ERC2: variants seen among roughly 807,000 people sequenced by gnomAD.
ERC2 encodes ELKS/RAB6-interacting/CAST family member 2, also known as ERC protein 2.
Under a neutral mutation model 114.8 loss-of-function variants are expected in ERC2, and 42 were observed. That is an observed-to-expected ratio of 0.37 (90% CI 0.29 to 0.47). The LOEUF is 0.47. Ranked by LOEUF, ERC2 falls within the 20% of genes least tolerant of loss-of-function variation. ERC2 has a pLI of 0.99. For synonymous variants in ERC2, 454 were observed against 425.5 expected (o/e 1.07, Z -0.82); for missense variants, 939 against 1,150.7 (o/e 0.82, Z 2.66).
chr3:56,312,360 A>G (rs937099977), intron 2 of ERC2, among the ~76,000 whole-genome samples: 2 of 152,234 alleles, frequency 1.3e-5, no homozygotes, highest in Non-Finnish European at 2.9e-5. Flanking sequence ...AGGTTGGTCA[A>G]TGGGTACAAA....
chr3:56,437,717 A>G (rs2062087881), intron 1 of ERC2, among the ~76,000 whole-genome samples: 1 of 152,232 alleles, frequency 6.6e-6, no homozygotes, highest in Non-Finnish European at 1.5e-5. Context: ...TACATGAATA[A>G]TCTGTAGTGT....
At chr3:55,919,295 C>T (rs1559870428) in intron 13 of ERC2, among the ~76,000 whole-genome samples, 1 of 152,150 alleles carries the variant, frequency 6.6e-6, no homozygotes, top group Non-Finnish European at 1.5e-5. Flanking sequence ...GAGAGGATGG[C>T]TTCAGCCCAG....
intron 14 of ERC2, among the ~76,000 whole-genome samples, chr3:55,828,044 C>T (rs865838642): frequency 2.6e-5 from 4 of 152,214 alleles, no homozygotes; most frequent in South Asian, 2.1e-4. Context: ...GAGTCACTGT[C>T]GTGCTACCAA....
intron 14 of ERC2, among the ~76,000 whole-genome samples, chr3:55,782,597 G>T (rs944854769): frequency 1.3e-5 from 2 of 152,130 alleles, no homozygotes; most frequent in Non-Finnish European, 2.9e-5. Context: ...TATTTTAAGT[G>T]CTGGGAACAC....
chr3:55,959,868 G>A (rs1251843564), intron 12 of ERC2, among the ~76,000 whole-genome samples: 2 of 152,170 alleles, frequency 1.3e-5, no homozygotes, highest in African/African-American at 4.8e-5. Flanking sequence ...GTCAAAGCTG[G>A]TGGCAGATGC....
At chr3:55,549,081 A>G (rs985053159) in intron 17 of ERC2, among the ~76,000 whole-genome samples, 2 of 152,202 alleles carry the variant, frequency 1.3e-5, no homozygotes, top group Non-Finnish European at 2.9e-5. Context: ...CCCATAATCC[A>G]TACTTATTTA....
intron 2 of ERC2, among the ~76,000 whole-genome samples, chr3:56,367,945 TAAAA>T (rs56372235): frequency 4.2e-5 from 5 of 118,074 alleles, no homozygotes; most frequent in South Asian, 2.8e-4. Flanking sequence ...CATCTCTCTT[TAAAA>T]AAAAAAAAAA....
chr3:56,192,606 A>C lies in ERC2; in HGVS notation c.1075-19086T>G, dbSNP rs552162657. Among the ~76,000 whole-genome samples the C allele has an allele frequency of 9.8e-5, 15 of 152,296 alleles. No homozygotes were observed. The South Asian group carries it at 2.9e-3, about 29-fold the overall frequency. On this transcript the variant is annotated intron_variant, in intron 3 of 17. Transcript: ENST00000288221. ...TGAGCAGCTGATGTGATTTAAACCCAGGCCTCCCTAAACACAGAGACCATG... is the reference window on the plus strand; with the variant it reads ...TGAGCAGCTGATGTGATTTAAACCCCGGCCTCCCTAAACACAGAGACCATG...
intron 17 of ERC2, among the ~76,000 whole-genome samples, chr3:55,514,951 A>T (rs1368023789): frequency 6.6e-6 from 1 of 152,226 alleles, no homozygotes; most frequent in Non-Finnish European, 1.5e-5. Flanking sequence ...TGGGTCAGGC[A>T]GTGTGCTTGA....
intron 3 of ERC2, among the ~76,000 whole-genome samples, chr3:56,201,155 T>C (rs1180526915): frequency 2.0e-5 from 3 of 152,120 alleles, no homozygotes; most frequent in Admixed American, 2.0e-4. Context: ...CTATCTTCAC[T>C]ACCATCTCCC....
chr3:55,762,945 C>T (rs2067545253), intron 14 of ERC2, among the ~76,000 whole-genome samples: 1 of 152,150 alleles, frequency 6.6e-6, no homozygotes, highest in Admixed American at 6.5e-5. Flanking sequence ...AGAACACATA[C>T]TAAGTAGGTA....
chr3:56,271,433 T>C (rs2053645892), intron 3 of ERC2, among the ~76,000 whole-genome samples: 1 of 152,136 alleles, frequency 6.6e-6, no homozygotes, highest in South Asian at 2.1e-4. Flanking sequence ...CCCTTCTGCT[T>C]CCCAGCAGTG....
intron 13 of ERC2, among the ~76,000 whole-genome samples, chr3:55,920,579 T>A (rs558475709): frequency 6.6e-6 from 1 of 152,106 alleles, no homozygotes; most frequent in African/African-American, 2.4e-5. Flanking sequence ...TTATGTAAGA[T>A]TTAATCCATA....
intron 3 of ERC2, among the ~76,000 whole-genome samples, chr3:56,198,396 A>G (rs375331919): frequency 6.6e-6 from 1 of 152,198 alleles, no homozygotes; most frequent in Admixed American, 6.5e-5. Flanking sequence ...TGCATTTCAG[A>G]TGGATACCTA....
intron 2 of ERC2, among the ~76,000 whole-genome samples, chr3:56,431,221 C>T (rs1327010044): frequency 1.3e-5 from 2 of 152,162 alleles, no homozygotes; most frequent in Non-Finnish European, 2.9e-5. Flanking sequence ...CAGAAGATTG[C>T]TCCCCAAACT....
intron 3 of ERC2, among the ~76,000 whole-genome samples, chr3:56,218,258 T>C (rs1575893978): frequency 6.6e-6 from 1 of 152,098 alleles, no homozygotes; most frequent in Admixed American, 6.5e-5. Context: ...AGGGCTAATA[T>C]CCAGAATCTA....
chr3:55,770,815 G>A (rs2068144432), intron 14 of ERC2, among the ~76,000 whole-genome samples: 1 of 151,558 alleles, frequency 6.6e-6, no homozygotes, highest in South Asian at 2.1e-4. Flanking sequence ...CCCCTGACAG[G>A]CCCCATTGTG....
chr3:55,915,853 A>G (rs73083339), intron 13 of ERC2, among the ~76,000 whole-genome samples: 5,913 of 152,304 alleles, frequency 0.039, 165 homozygotes, highest in Middle Eastern at 0.082. Flanking sequence ...TGGATAAGTA[A>G]GGTCCTAAAA....
chr3:55,820,723 T>A (rs1433470243), intron 14 of ERC2, among the ~76,000 whole-genome samples: 2 of 152,190 alleles, frequency 1.3e-5, no homozygotes, highest in African/African-American at 2.4e-5. Context: ...GTCACTACTC[T>A]GGGTGAGAAA....
Sources: allele counts gnomAD v4.1 joint callset (sites outside exome capture counted in the v4.1 genomes callset), GRCh38; gene constraint gnomAD v4.1.1; transcripts MANE v1.5; gene names NCBI Gene and HGNC (gene_info 2026-07-23, HGNC 2026-07-21).